The following KIF26B variants were observed in gnomAD, a reference collection of about 807,000 sequenced individuals.
The protein encoded by KIF26B is kinesin family member 26B.
Under a neutral mutation model 151.2 loss-of-function variants are expected in KIF26B, and 63 were observed. The ratio of observed to expected loss-of-function variants is 0.42; its 90% CI spans 0.34 to 0.51. The LOEUF is 0.51. Among genes scored for constraint, KIF26B ranks in the 20% least tolerant of loss-of-function variants. The pLI, the probability that KIF26B is intolerant of heterozygous loss-of-function variation, is 0.07. For synonymous variants in KIF26B, 1,357 were observed against 1,262.1 expected, an observed-to-expected ratio of 1.08 and a Z score of -1.59; for missense variants, 2,813 against 2,913.6, an observed-to-expected ratio of 0.97 and a Z score of 0.79.
At position 245,635,662 on chromosome 1, in the gene KIF26B, C is replaced by T. The variant is rs2103176236; in HGVS notation, c.2099-10459C>T. Among the ~76,000 whole-genome samples, 3 of 151,020 alleles carry T rather than the reference C, an allele frequency of 2.0e-5. No individual in the cohort carries two copies. The Middle Eastern group carries it at 0.01, about 514-fold the overall frequency. Reference sequence around the variant, plus strand: ...TTCTGCTATTTTTTTTTCCTTTCTGCTATTATTTTGTCTATAATTTGCTCA... The same window carrying T: ...TTCTGCTATTTTTTTTTCCTTTCTGTTATTATTTTGTCTATAATTTGCTCA... On this transcript the variant is annotated intron_variant, in intron 9 of 14. Coordinates refer to ENST00000407071, the MANE Select transcript of KIF26B (RefSeq NM_018012.4).
Position 245,208,612 on chromosome 1 carries a change from G to A in KIF26B, c.465+51929G>A, listed in dbSNP as rs145499946. 5.1e-4 allele frequency among the ~76,000 whole-genome samples: 77 copies of A among 152,272 alleles called. No homozygotes were observed. In the East Asian group the frequency reaches 6.0e-3, roughly 12 times the overall value. ...AGGCCTGGGGAGGCAAGCGGATGTC[G>A]ATAGTGAGAAAACGAGACTTCTTTG... On this transcript the variant is annotated intron_variant, in intron 2 of 14. Coordinates refer to ENST00000407071, the MANE Select transcript of KIF26B (RefSeq NM_018012.4).
rs1293309105 is a variant in KIF26B at position 245,688,061 on chromosome 1, C to T, written c.5078C>T (p.Ser1693Phe). ...ERAESLSSVSSRLHAGKDGTM... is the reference protein window; with the variant it reads ...ERAESLSSVSFRLHAGKDGTM... ...GCCGAGAGCCTGTCCTCCGTGAGCTCCCGGCTGCACGCGGGCAAGGACGGC... is the reference window on the plus strand; with the variant it reads ...GCCGAGAGCCTGTCCTCCGTGAGCTTCCGGCTGCACGCGGGCAAGGACGGC... The change falls in exon 12 of 15, where the codon TCC becomes TTC. Residue 1693 changes from serine to phenylalanine, a missense_variant. Physicochemically the swap from Ser to Phe is radical, Grantham distance 155. Transcript: ENST00000407071. 5 of 1,553,142 alleles carry T rather than the reference C, an allele frequency of 3.2e-6. No individual in the cohort carries two copies. In the Admixed American group the frequency reaches 9.7e-5, roughly 30 times the overall value.
At chr1:245,410,409 T>G (rs1010829362) in intron 3 of KIF26B, among the ~76,000 whole-genome samples, 1 of 152,168 alleles carries the variant, frequency 6.6e-6, no homozygotes, top group Non-Finnish European at 1.5e-5. Flanking sequence ...GTGGAACAAG[T>G]TGAGAACAAG....
chr1:245,493,428 A>G (rs925890509), intron 4 of KIF26B, among the ~76,000 whole-genome samples: 1 of 152,260 alleles, frequency 6.6e-6, no homozygotes, highest in African/African-American at 2.4e-5. Context: ...TATCTTGAAC[A>G]TAACCATTTT....
chr1:245,189,546 C>G (rs967272341), intron 2 of KIF26B, among the ~76,000 whole-genome samples: 1 of 152,184 alleles, frequency 6.6e-6, no homozygotes, highest in Non-Finnish European at 1.5e-5. Context: ...TCTCAGGGTT[C>G]GTGAACCTCA....
chr1:245,419,082 C>G (rs112866826), intron 3 of KIF26B, among the ~76,000 whole-genome samples: 1 of 152,304 alleles, frequency 6.6e-6, no homozygotes, highest in African/African-American at 2.4e-5. Flanking sequence ...TGACTTTCCA[C>G]AGCAAACCAC....
At chr1:245,587,037 C>G (rs542036951) in intron 5 of KIF26B, among the ~76,000 whole-genome samples, 3 of 152,202 alleles carry the variant, frequency 2.0e-5, no homozygotes, top group Non-Finnish European at 4.4e-5. Context: ...TCCCATCATA[C>G]GGGTGAGGAA....
chr1:245,311,668 C>T (rs1202517186), intron 2 of KIF26B, among the ~76,000 whole-genome samples: 1 of 152,166 alleles, frequency 6.6e-6, no homozygotes, highest in Non-Finnish European at 1.5e-5. Flanking sequence ...CGCAGTGGCT[C>T]ATGCCTGTAA....
chr1:245,305,439 A>AT (rs2102979590), intron 2 of KIF26B, among the ~76,000 whole-genome samples: 1 of 152,364 alleles, frequency 6.6e-6, no homozygotes, highest in South Asian at 2.1e-4. Context: ...AAAGATTTGA[A>AT]TAGACATTTC....
At chr1:245,383,220 A>AGTGGAATT in intron 3 of KIF26B, among the ~76,000 whole-genome samples, 1 of 152,062 alleles carries the variant, frequency 6.6e-6, no homozygotes, top group Non-Finnish European at 1.5e-5. Flanking sequence ...GAAAAACAGC[A>AGTGGAATT]GTGGAATTGG....
chr1:245,551,059 A>T (rs1383583954), intron 5 of KIF26B, among the ~76,000 whole-genome samples: 3 of 152,050 alleles, frequency 2.0e-5, no homozygotes, highest in African/African-American at 7.2e-5. Flanking sequence ...GTAAATATAT[A>T]ATTTTAGACA....
At chr1:245,479,817 C>T (rs1572083444) in intron 4 of KIF26B, among the ~76,000 whole-genome samples, 1 of 151,754 alleles carries the variant, frequency 6.6e-6, no homozygotes, top group Non-Finnish European at 1.5e-5. Context: ...GGAGTTCAGC[C>T]TGGAGAAGAC....
intron 9 of KIF26B, among the ~76,000 whole-genome samples, chr1:245,627,146 G>A (rs1411430279): frequency 2.6e-5 from 4 of 152,118 alleles, no homozygotes; most frequent in Non-Finnish European, 4.4e-5. Context: ...TCCTAGTAGT[G>A]TATTTTGAAG....
chr1:245,259,778 A>G (rs1016869540), intron 2 of KIF26B, among the ~76,000 whole-genome samples: 8 of 151,752 alleles, frequency 5.3e-5, no homozygotes, highest in Admixed American at 4.6e-4. Flanking sequence ...GAAAAAATAC[A>G]AAAAAAATTA....
intron 2 of KIF26B, among the ~76,000 whole-genome samples, chr1:245,172,086 TG>T (rs758960651): frequency 4.8e-4 from 5 of 10,426 alleles, no homozygotes; most frequent in Non-Finnish European, 1.4e-3. Flanking sequence ...TCCACCTGTT[TG>T]TTTATCCACT....
chr1:245,570,513 C>T (rs184879629), intron 5 of KIF26B, among the ~76,000 whole-genome samples: 4 of 152,252 alleles, frequency 2.6e-5, no homozygotes, highest in East Asian at 1.9e-4. Context: ...TGATGCCTCC[C>T]GTAAGTATTT....
At chr1:245,357,205 G>A (rs1011283978) in intron 2 of KIF26B, among the ~76,000 whole-genome samples, 11 of 152,212 alleles carry the variant, frequency 7.2e-5, no homozygotes, top group Admixed American at 3.3e-4. Context: ...ATTTTAAGCC[G>A]AGGACTGGCA....
chr1:245,276,597 T>C (rs1670943678), intron 2 of KIF26B, among the ~76,000 whole-genome samples: 1 of 152,178 alleles, frequency 6.6e-6, no homozygotes, highest in South Asian at 2.1e-4. Context: ...TGATCCAGTC[T>C]ACTCTTCCCC....
intron 4 of KIF26B, among the ~76,000 whole-genome samples, chr1:245,527,523 G>GATTTTTT (rs1219756621): frequency 2.5e-5 from 1 of 40,528 alleles, no homozygotes; most frequent in Admixed American, 2.1e-4. Flanking sequence ...CTTTGGGATG[G>GATTTTTT]CTTTTTTTTT....
Sources: gnomAD v4.1 joint callset for allele counts (sites outside exome capture counted in the v4.1 genomes callset) on GRCh38, gnomAD v4.1.1 for gene constraint, MANE v1.5 for transcripts, NCBI Gene and HGNC (gene_info 2026-07-23, HGNC 2026-07-21) for gene names.